Variants in NEBL observed in about 807,000 individuals in gnomAD.
NEBL encodes the protein LIM and SH3 protein 2.
In NEBL, 122 loss-of-function variants were observed where a neutral mutation model predicts 140.2. The ratio of observed to expected loss-of-function variants is 0.87; its 90% CI spans 0.75 to 1.01. The LOEUF (loss-of-function observed/expected upper bound fraction) is 1.01, where lower values mean the gene tolerates loss of function less well. NEBL is among the 50% of genes least tolerant of loss of function. The probability of loss-of-function intolerance (pLI) is 0.00; values close to 1 mark genes in which losing one functional copy is unlikely to be tolerated. For missense variants in NEBL, 1,365 were observed against 1,231.3 expected, an observed-to-expected ratio of 1.11 and a Z score of -1.62; for synonymous variants, 436 against 398.9, an observed-to-expected ratio of 1.09 and a Z score of -1.11.
At chr10:20,864,447 G>C (rs1287537219) in intron 7 of NEBL, among the ~76,000 whole-genome samples, 1 of 152,156 alleles carries the variant, frequency 6.6e-6, no homozygotes. Context: ...TTTGGTATGT[G>C]TTCCCACTAC....
chr10:20,958,241 C>T (rs1376179330), intron 4 of NEBL, among the ~76,000 whole-genome samples: 2 of 152,108 alleles, frequency 1.3e-5, no homozygotes, highest in Non-Finnish European at 2.9e-5. Flanking sequence ...AGAATATTTT[C>T]CTAAAATATT....
At chr10:21,261,004 G>T (rs752589386) in intron 1 of NEBL, among the ~76,000 whole-genome samples, 18 of 152,124 alleles carry the variant, frequency 1.2e-4, no homozygotes, top group Non-Finnish European at 2.1e-4. Context: ...CAGTAAGAAG[G>T]GATCGTGGAT....
intron 1 of NEBL, among the ~76,000 whole-genome samples, chr10:21,273,047 G>A (rs1842877712): frequency 6.6e-6 from 1 of 152,166 alleles, no homozygotes; most frequent in Admixed American, 6.6e-5. Flanking sequence ...AATGTGACTT[G>A]GCAGCTGCTC....
At chr10:21,030,602 C>T (rs1833738432) in intron 2 of NEBL, 6 of 610,708 alleles carry the variant, frequency 9.8e-6, no homozygotes, top group South Asian at 8.8e-5. Context: ...GGAAAAGTAA[C>T]TCCAGCTCAA....
chr10:21,172,136 G>A, intron 2 of NEBL: 1 of 528,072 alleles, frequency 1.9e-6, no homozygotes, highest in Non-Finnish European at 3.4e-6. Context: ...CCCTAAGGCT[G>A]TAACACTGCG....
At chr10:21,239,495 C>T (rs1842407535) in intron 3 of NEBL, among the ~76,000 whole-genome samples, 2 of 152,200 alleles carry the variant, frequency 1.3e-5, no homozygotes, top group South Asian at 4.2e-4. Context: ...CCAGTCCTGT[C>T]AGGCTCACTG....
intron 1 of NEBL, among the ~76,000 whole-genome samples, chr10:21,266,339 G>A (rs1338583716): frequency 3.3e-5 from 5 of 151,836 alleles, no homozygotes; most frequent in East Asian, 1.9e-4. Flanking sequence ...ACAGAGTTTC[G>A]CCATGTTGCC....
In NEBL at chr10:20,825,184, G is replaced by A. The variant is rs1033133602; in HGVS notation, c.1869+1263C>T. Among the ~76,000 whole-genome samples the A allele has an allele frequency of 5.9e-5, 9 of 151,950 alleles. No individual in the cohort carries two copies. In the East Asian group the frequency reaches 7.7e-4, roughly 13 times the overall value. ...CCTCTCCTACACTTTCTTCACAAAC[G>A]CTGACCCACACTGATATTCTCTGGA... is the stretch of plus-strand genomic sequence containing the variant. On this transcript the variant is annotated intron_variant, in intron 18 of 27. Transcript: ENST00000377122.
chr10:21,173,310 T>C lies in NEBL; in HGVS notation c.69+455A>G, dbSNP rs1440527187. 1.3e-5 allele frequency among the ~76,000 whole-genome samples: 2 copies of C among 151,212 alleles called. No homozygotes were observed. The highest frequency in any genetic ancestry group is 2.4e-5 in the African/African-American group (1 of 41,258). ...CCGCCCCATGACATATTAATTACTA[T>C]TTGCCTCTCCCCCTCGCCGCGGTCA... On this transcript the variant is annotated intron_variant, in intron 1 of 6. Coordinates refer to the NEBL transcript ENST00000417816. This position sits in a 1 kb window ranked among gnomAD's most constrained non-coding sequence, Gnocchi z 5.7.
chr10:20,809,749 T>C, intron 25 of NEBL, 57 bp downstream of exon 25: 1 of 1,308,722 alleles, frequency 7.6e-7, no homozygotes, highest in South Asian at 1.2e-5. Context: ...CAGTTCACAG[T>C]GGTTCACTTT....
chr10:21,244,608 C>A (rs1842492104), intron 3 of NEBL, among the ~76,000 whole-genome samples: 1 of 151,724 alleles, frequency 6.6e-6, no homozygotes, highest in Admixed American at 6.6e-5. Context: ...GCCAAGATTG[C>A]ACCACTGCAC....
intron 3 of NEBL, among the ~76,000 whole-genome samples, chr10:21,223,151 C>A (rs1258573204): frequency 6.6e-6 from 1 of 152,206 alleles, no homozygotes; most frequent in African/African-American, 2.4e-5. Flanking sequence ...TTCATTCTAT[C>A]CAACTATATT....
chr10:20,789,873 A>C (rs1336511894), intron 26 of NEBL, among the ~76,000 whole-genome samples: 1 of 148,232 alleles, frequency 6.7e-6, no homozygotes, highest in Admixed American at 6.8e-5. Context: ...ATATACATAC[A>C]CATACACACA....
intron 2 of NEBL, among the ~76,000 whole-genome samples, chr10:21,088,835 C>T (rs1356828630): frequency 6.6e-6 from 1 of 152,194 alleles, no homozygotes; most frequent in Non-Finnish European, 1.5e-5. Context: ...TCTACAGAGT[C>T]AGAGAGTCCA....
chr10:21,273,586 C>T (rs905243666), intron 1 of NEBL, among the ~76,000 whole-genome samples: 9 of 152,182 alleles, frequency 5.9e-5, no homozygotes, highest in African/African-American at 1.2e-4. Flanking sequence ...CTACACCCTA[C>T]AGCCTCTGCC....
At chr10:20,828,473 A>G (rs1035050673) in intron 17 of NEBL, 57 bp downstream of exon 17, 2 of 1,180,406 alleles carry the variant, frequency 1.7e-6, no homozygotes, top group Non-Finnish European at 2.5e-6. Flanking sequence ...AAAAAAGACC[A>G]TTTCTTACAA....
chr10:21,257,883 TCA>T (rs1267867642), intron 1 of NEBL, among the ~76,000 whole-genome samples: 2 of 149,310 alleles, frequency 1.3e-5, no homozygotes, highest in Non-Finnish European at 1.5e-5. Flanking sequence ...AGACTCCATC[TCA>T]CACACACACA....
At chr10:21,056,102 A>T (rs986162888) in intron 2 of NEBL, among the ~76,000 whole-genome samples, 12 of 152,196 alleles carry the variant, frequency 7.9e-5, no homozygotes, top group South Asian at 6.2e-4. Context: ...CAGGCTAGAC[A>T]CTAGGTCAGA....
intron 4 of NEBL, among the ~76,000 whole-genome samples, chr10:20,960,615 T>C (rs1836006285): frequency 6.6e-6 from 1 of 152,106 alleles, no homozygotes; most frequent in African/African-American, 2.4e-5. Flanking sequence ...AAATTATACA[T>C]AATTCTATCT....
Sources: gnomAD v4.1 joint callset for allele counts (sites outside exome capture counted in the v4.1 genomes callset) on GRCh38, gnomAD v4.1.1 for gene constraint, Gnocchi (gnomAD v3.1) non-coding constraint, MANE v1.5 for transcripts, NCBI Gene and HGNC (gene_info 2026-07-23, HGNC 2026-07-21) for gene names.